CELF5: variants seen among roughly 807,000 people sequenced by gnomAD.
CELF5 encodes CUGBP Elav-like family member 5, also known as CUG-BP and ETR-3 like factor 5.
In CELF5, 6 loss-of-function variants were observed where a neutral mutation model predicts 54.9. That is an observed-to-expected ratio of 0.11 (90% CI 0.06 to 0.22). CELF5 has a LOEUF of 0.22. CELF5 is among the 10% of genes least tolerant of loss of function. The pLI is 1.00. For missense variants in CELF5, 401 were observed against 678.6 expected, an observed-to-expected ratio of 0.59 and a Z score of 4.54; for synonymous variants, 271 against 290.9, an observed-to-expected ratio of 0.93 and a Z score of 0.70.
chr19:3,227,996 CAG>C (rs1286997064), intron 1 of CELF5, among the ~76,000 whole-genome samples: 1 of 151,962 alleles, frequency 6.6e-6, no homozygotes, highest in East Asian at 1.9e-4. Context: ...TGCTGAGACT[CAG>C]AGAAAGGCAG....
Position 3,250,978 on chromosome 19 carries a change from C to T in CELF5, c.260-7C>T, listed in dbSNP as rs151112357. 6.2e-6 allele frequency: 10 copies of T among 1,612,714 alleles called. No individual in the cohort carries two copies. Among genetic ancestry groups the T allele is most frequent in the African/African-American group, 4.0e-5 (3 of 74,974 alleles). On this transcript the variant is annotated splice_region_variant and splice_polypyrimidine_tract_variant and intron_variant, in intron 1 of 12. Coordinates refer to ENST00000292672, the MANE Select transcript of CELF5 (RefSeq NM_021938.4). ...TCTCTTAACACCCCCGTTTCTCTCC[C>T]TTCCAGGCTGTGCCTTCCTCACCTA... is the stretch of plus-strand genomic sequence containing the variant.
chr19:3,233,958 G>C (rs1917396623), intron 1 of CELF5, among the ~76,000 whole-genome samples: 1 of 152,306 alleles, frequency 6.6e-6, no homozygotes, highest in Non-Finnish European at 1.5e-5. Flanking sequence ...TGAAGACGGC[G>C]GCGCCTGGAG....
chr19:3,247,413 A>G (rs941994159), intron 1 of CELF5, among the ~76,000 whole-genome samples: 3 of 152,026 alleles, frequency 2.0e-5, no homozygotes, highest in Admixed American at 6.5e-5. Context: ...GGCGTGAGCC[A>G]TCACGCCCGG....
At chr19:3,250,958 TA>T (rs771753277) in intron 1 of CELF5, 26 bp from the exon 2 acceptor site, 1 of 1,584,828 alleles carries the variant, frequency 6.3e-7, no homozygotes, top group Non-Finnish European at 8.7e-7. Context: ...CGTGCTCTCT[TA>T]ACACCCCCGT....
intron 2 of CELF5, among the ~76,000 whole-genome samples, chr19:3,256,864 G>A (rs990441521): frequency 3.3e-5 from 5 of 149,584 alleles, no homozygotes; most frequent in African/African-American, 1.2e-4. Context: ...CACTGCACCT[G>A]GCCTTATTAT....
Position 3,247,449 on chromosome 19 carries a change from A to T in CELF5, c.260-3536A>T, listed in dbSNP as rs2079583188. Among the ~76,000 whole-genome samples the T allele has an allele frequency of 2.6e-5, 4 of 151,138 alleles. No individual in the cohort carries two copies. In the South Asian group the frequency reaches 8.4e-4, roughly 32 times the overall value. On this transcript the variant is annotated intron_variant, in intron 1 of 12. Transcript: ENST00000292672. ...CCTAATTTTTGTATTTTTTATAGAG[A>T]TGGGTTTTCGCCATGTTGCCCAGGC... is the stretch of plus-strand genomic sequence containing the variant.
intron 11 of CELF5, 113 bp downstream of exon 11, chr19:3,290,487 A>C: frequency 2.5e-6 from 3 of 1,188,732 alleles, no homozygotes; most frequent in Non-Finnish European, 3.7e-6. Context: ...AATAATCACA[A>C]TCAGAACCAG....
intron 1 of CELF5, among the ~76,000 whole-genome samples, chr19:3,248,297 A>T (rs762352019): frequency 6.6e-6 from 1 of 152,136 alleles, no homozygotes; most frequent in Non-Finnish European, 1.5e-5. Context: ...CTGGGATGAC[A>T]GGCGAGAGTC....
chr19:3,284,871 C>T (rs764541365), intron 8 of CELF5, 31 bp from the exon 9 acceptor site: 21 of 1,605,120 alleles, frequency 1.3e-5, no homozygotes, highest in Non-Finnish European at 1.5e-5. Flanking sequence ...CTGCTGCTCC[C>T]GCCCCACTCA....
intron 2 of CELF5, among the ~76,000 whole-genome samples, chr19:3,251,550 G>A (rs1156528772): frequency 6.6e-6 from 1 of 151,858 alleles, no homozygotes; most frequent in Non-Finnish European, 1.5e-5. Context: ...ACCATGGGGA[G>A]AAGCATAGAC....
chr19:3,245,284 CGT>C (rs940273007), intron 1 of CELF5, among the ~76,000 whole-genome samples: 3 of 127,542 alleles, frequency 2.4e-5, no homozygotes, highest in South Asian at 2.6e-4. Context: ...TGTGTGTGTG[CGT>C]GTGTGTTTGC....
At chr19:3,269,911 T>G (rs1012694504) in intron 2 of CELF5, among the ~76,000 whole-genome samples, 1 of 152,208 alleles carries the variant, frequency 6.6e-6, no homozygotes, top group African/African-American at 2.4e-5. Flanking sequence ...CTTTCTGGTC[T>G]TGGTTTGCCC....
chr19:3,265,074 C>T (rs745876984), intron 2 of CELF5, among the ~76,000 whole-genome samples: 10 of 152,158 alleles, frequency 6.6e-5, no homozygotes, highest in Non-Finnish European at 1.2e-4. Flanking sequence ...CAGTGGCTCA[C>T]ACCTGTAATC....
rs1484768491 is a variant in CELF5 at position 3,228,538 on chromosome 19, T to C, written c.259+3540T>C. Among the ~76,000 whole-genome samples, 1 of 151,134 alleles carries C rather than the reference T, an allele frequency of 6.6e-6. No individual in the cohort carries two copies. Among genetic ancestry groups the C allele is most frequent in the Non-Finnish European group, 1.5e-5 (1 of 67,714 alleles). ...CCGCTGCCACTGGGCCCCCCGTTTA[T>C]GGTAATCGCATATACATTTGCATGT... On this transcript the variant is annotated intron_variant, in intron 1 of 12. Coordinates refer to ENST00000292672, the MANE Select transcript of CELF5 (RefSeq NM_021938.4). The surrounding 1 kb of genome is among the most constrained non-coding windows in gnomAD (Gnocchi z 6.0).
intron 4 of CELF5, 33 bp from the exon 5 acceptor site, chr19:3,277,998 C>G: frequency 6.3e-7 from 1 of 1,587,586 alleles, no homozygotes; most frequent in African/African-American, 1.3e-5. Flanking sequence ...GTGACCCCAT[C>G]ACCCTCTACC....
chr19:3,272,093 T>C (rs1030748266), intron 2 of CELF5, among the ~76,000 whole-genome samples: 9 of 152,122 alleles, frequency 5.9e-5, no homozygotes, highest in African/African-American at 1.4e-4. Context: ...TTTGGCCGGG[T>C]GCAGGGGCTC....
intron 1 of CELF5, among the ~76,000 whole-genome samples, chr19:3,226,119 A>G (rs1268206435): frequency 6.7e-6 from 1 of 149,040 alleles, no homozygotes; most frequent in African/African-American, 2.5e-5. Context: ...CTTGTGCTGG[A>G]CACCCCCGGC....
chr19:3,290,295 G>C lies in CELF5; in HGVS notation c.1251G>C (p.Thr417=), dbSNP rs753981525. Residue 417 remains threonine (T), a synonymous_variant, in exon 11 of 13, where the codon ACG becomes ACC. Coordinates refer to ENST00000292672, the MANE Select transcript of CELF5 (RefSeq NM_021938.4). ...AGGAGTTTGGAGACACGGAGCTGACGCAGATGTTCCTACCCTTCGGCAATA... is the reference window on the plus strand; with the variant it reads ...AGGAGTTTGGAGACACGGAGCTGACCCAGATGTTCCTACCCTTCGGCAATA... ...LPQEFGDTEL[T]QMFLPFGNII... 2 of 1,613,940 alleles carry C rather than the reference G, an allele frequency of 1.2e-6. No homozygotes were observed. Among genetic ancestry groups the C allele is most frequent in the Non-Finnish European group, 1.7e-6 (2 of 1,179,902 alleles).
chr19:3,250,648 C>T (rs2145060473), intron 1 of CELF5, among the ~76,000 whole-genome samples: 1 of 152,270 alleles, frequency 6.6e-6, no homozygotes, highest in African/African-American at 2.4e-5. Flanking sequence ...CCTCCCCAGC[C>T]CCTGGCACCT....
Sources: gnomAD v4.1 joint callset for allele counts (sites outside exome capture counted in the v4.1 genomes callset) on GRCh38, gnomAD v4.1.1 for gene constraint, Gnocchi (gnomAD v3.1) non-coding constraint, MANE v1.5 for transcripts, NCBI Gene and HGNC (gene_info 2026-07-23, HGNC 2026-07-21) for gene names.